CDH19: variants seen among roughly 807,000 people sequenced by gnomAD.
CDH19 encodes the protein cadherin 19.
In CDH19, 67 loss-of-function variants were observed where a neutral mutation model predicts 64.2. That is an observed-to-expected ratio of 1.04 (90% CI 0.86 to 1.28). The LOEUF is 1.28. Among genes scored for constraint, CDH19 ranks in the 50% most tolerant of loss-of-function variants. The pLI, the probability that CDH19 is intolerant of heterozygous loss-of-function variation, is 0.00. For synonymous variants in CDH19, 346 were observed against 319.3 expected (o/e 1.08, Z -0.89); for missense variants, 1,030 against 929.0 (o/e 1.11, Z -1.41).
chr18:66,554,251 A>G (rs750928000), intron 4 of CDH19, among the ~76,000 whole-genome samples, 154 bp downstream of exon 4: 1 of 152,022 alleles, frequency 6.6e-6, no homozygotes, highest in South Asian at 2.1e-4. Flanking sequence ...TATCAGCTAA[A>G]AGACTAAAAG....
rs755860254 is a variant in CDH19, at chr18:66,505,296, AT to A, written c.1834del (p.Ile612PhefsTer3). 5.2e-6 allele frequency: 8 copies of A among 1,550,380 alleles called. No homozygotes were observed. The Admixed American group carries it at 6.3e-5, about 12-fold the overall frequency. On this transcript the variant is annotated frameshift_variant, in exon 12 of 12. Coordinates refer to ENST00000262150, the MANE Select transcript of CDH19 (RefSeq NM_021153.4). LOFTEE classifies it low-confidence loss of function (END_TRUNC). ...TTGTTTTAAACCCAAAGTCAAAAAA[AT>A]AAACCCTGATGAAGAAAGCACATCA... The part of the protein sequence containing the change: ...LICIMIIFGF[I>X]FLTLGLKQRR...
chr18:66,504,808 A>T lies in CDH19; in HGVS notation c.*4T>A, dbSNP rs1449745882. ...ACTTTTAAAAATTTTGATGGTAAAA[A>T]GCCCTAATTATTTGACTGCACTGCA... On this transcript the variant is annotated 3_prime_UTR_variant, in exon 12 of 12. Transcript: ENST00000262150. 1.3e-6 allele frequency: 2 copies of T among 1,584,718 alleles called. No homozygotes were observed. The highest frequency in any genetic ancestry group is 1.7e-6 in the Non-Finnish European group (2 of 1,161,168).
intron 9 of CDH19, among the ~76,000 whole-genome samples, chr18:66,521,042 T>C (rs8091517): frequency 0.44 from 66,714 of 151,388 alleles, 15,387 homozygotes; most frequent in African/African-American, 0.58. Flanking sequence ...ATTTTCTTTA[T>C]AATTTCATTT....
intron 1 of CDH19, among the ~76,000 whole-genome samples, chr18:66,585,991 T>C: frequency 6.6e-6 from 1 of 152,088 alleles, no homozygotes; most frequent in East Asian, 1.9e-4. Context: ...TCTATGCACT[T>C]ATGCAGTTTG....
Position 66,586,196 on chromosome 18 carries a change from T to A in CDH19, c.-112-13880A>T, listed in dbSNP as rs186703724. Among the ~76,000 whole-genome samples the A allele has an allele frequency of 9.2e-3, 1,401 of 152,196 alleles. 42 individuals carry two copies. In the South Asian group the frequency reaches 0.1, roughly 11 times the overall value. On this transcript the variant is annotated intron_variant, in intron 1 of 11. Transcript: ENST00000262150. ...GCAATTAATATAATGTCTCCATTTT[T>A]AGAAAAATATTGAGTAGGCGTGGCC...
At chr18:66,551,461 G>A (rs1256111135) in intron 4 of CDH19, among the ~76,000 whole-genome samples, 1 of 151,802 alleles carries the variant, frequency 6.6e-6, no homozygotes, top group Non-Finnish European at 1.5e-5. Context: ...ACAATATTAG[G>A]AACACTGGTA....
intron 5 of CDH19, among the ~76,000 whole-genome samples, chr18:66,548,772 A>T (rs896309359): frequency 1.3e-5 from 2 of 152,210 alleles, no homozygotes; most frequent in African/African-American, 2.4e-5. Flanking sequence ...ACAATATTTT[A>T]AATAAATCTT....
chr18:66,537,277 A>T (rs1986710760), intron 7 of CDH19, among the ~76,000 whole-genome samples: 1 of 151,876 alleles, frequency 6.6e-6, no homozygotes, highest in South Asian at 2.1e-4. Context: ...TTGTCTCTCA[A>T]GACCTTGATG....
intron 1 of CDH19, among the ~76,000 whole-genome samples, chr18:66,600,829 T>C (rs533022641): frequency 6.6e-6 from 1 of 152,012 alleles, no homozygotes; most frequent in South Asian, 2.1e-4. Context: ...TGGGTTATTC[T>C]ATAAGCATTC....
intron 4 of CDH19, 67 bp downstream of exon 4, chr18:66,554,338 A>G: frequency 1.6e-5 from 24 of 1,530,714 alleles, no homozygotes; most frequent in Non-Finnish European, 2.1e-5. Context: ...TTCTAAGCAG[A>G]TAATTTTTGC....
intron 1 of CDH19, among the ~76,000 whole-genome samples, chr18:66,589,533 C>G (rs528932856): frequency 2.2e-4 from 34 of 151,950 alleles, no homozygotes; most frequent in African/African-American, 7.7e-4. Flanking sequence ...AACATATCAT[C>G]CAAATGTTCC....
chr18:66,563,233 G>T (rs1407024392), intron 3 of CDH19, among the ~76,000 whole-genome samples: 1 of 152,030 alleles, frequency 6.6e-6, no homozygotes, highest in Admixed American at 6.6e-5. Flanking sequence ...AAGTACAGGT[G>T]CCACAGTATG....
chr18:66,589,665 A>G (rs551566009), intron 1 of CDH19, among the ~76,000 whole-genome samples: 1 of 150,140 alleles, frequency 6.7e-6, no homozygotes, highest in South Asian at 2.1e-4. Context: ...AGAAAGTACT[A>G]TTTTGTTATG....
rs79338426 is a variant in CDH19 at position 66,511,832 on chromosome 18, T to C, written c.1459-147A>G. On this transcript the variant is annotated intron_variant, in intron 9 of 11. Transcript: ENST00000262150. ...ATAACTGTCAAATCAGTGGAGAATA[T>C]TAAAATGTTTTTTCTCAGGTTAAAA... The C allele has an allele frequency of 4.6e-3, 2,700 of 584,546 alleles. 29 individuals are homozygous for C. The highest frequency in any genetic ancestry group is 0.037 in the East Asian group (1,167 of 31,952). The allele number at this position is 584,546 out of a possible 1,614,324, so 36.2% of individuals were successfully genotyped here. A position where few individuals can be genotyped will look rare whatever the true frequency, so the allele number is the denominator to read the frequency against.
intron 3 of CDH19, among the ~76,000 whole-genome samples, chr18:66,566,467 T>C (rs564728618): frequency 1.8e-4 from 27 of 152,034 alleles, no homozygotes; most frequent in African/African-American, 6.5e-4. Context: ...TTTTTCTACC[T>C]AGCATCTCAC....
intron 1 of CDH19, among the ~76,000 whole-genome samples, chr18:66,602,097 A>G (rs2144651696): frequency 6.6e-6 from 1 of 152,116 alleles, no homozygotes; most frequent in East Asian, 1.9e-4. Context: ...CTTATTCACC[A>G]GCATGGTTCT....
chr18:66,530,940 T>C (rs1258970593), intron 8 of CDH19, among the ~76,000 whole-genome samples: 1 of 152,082 alleles, frequency 6.6e-6, no homozygotes, highest in Non-Finnish European at 1.5e-5. Context: ...TGGAGCCAAA[T>C]GGCCTGTAGT....
At chr18:66,516,014 T>C (rs1985720301) in intron 9 of CDH19, among the ~76,000 whole-genome samples, 1 of 151,860 alleles carries the variant, frequency 6.6e-6, no homozygotes, top group African/African-American at 2.4e-5. Context: ...CAAATTACAT[T>C]TTAAAAGTTA....
Position 66,553,640 on chromosome 18 carries a change from C to T in CDH19, c.610+765G>A, listed in dbSNP as rs923907485. On this transcript the variant is annotated intron_variant, in intron 4 of 11. Coordinates refer to ENST00000262150, the MANE Select transcript of CDH19 (RefSeq NM_021153.4). ...AATTTTACTTCTTTGGCACTTCTCACGTTCTTGGGTGATTAGTTATATATA... is the reference window on the plus strand; with the variant it reads ...AATTTTACTTCTTTGGCACTTCTCATGTTCTTGGGTGATTAGTTATATATA... Among the ~76,000 whole-genome samples the T allele has an allele frequency of 9.8e-5, 13 of 132,942 alleles. 1 individual carries two copies. The highest frequency in any genetic ancestry group is 9.5e-4 in the Admixed American group (13 of 13,676). The allele number at this position is 132,942 out of a possible 152,430, so 87.2% of individuals were successfully genotyped here. A position where few individuals can be genotyped will look rare whatever the true frequency, so the allele number is the denominator to read the frequency against.
Sources: gnomAD v4.1 joint callset for allele counts (sites outside exome capture counted in the v4.1 genomes callset) on GRCh38, gnomAD v4.1.1 for gene constraint, MANE v1.5 for transcripts, NCBI Gene and HGNC (gene_info 2026-07-23, HGNC 2026-07-21) for gene names.